DDHD1: variants seen among roughly 807,000 people sequenced by gnomAD.
The protein encoded by DDHD1 is DDHD domain containing 1, also known as phospholipase DDHD1.
Under a neutral mutation model 96.4 loss-of-function variants are expected in DDHD1, and 49 were observed. The ratio of observed to expected loss-of-function variants is 0.51; its 90% CI spans 0.40 to 0.64. The LOEUF (loss-of-function observed/expected upper bound fraction) is 0.64. Ranked by LOEUF, DDHD1 falls within the 30% of genes least tolerant of loss-of-function variation. The probability of loss-of-function intolerance (pLI) is 0.00; values close to 1 mark genes in which losing one functional copy is unlikely to be tolerated. For missense variants in DDHD1, 1,106 were observed against 1,161.2 expected (o/e 0.95, Z 0.69); for synonymous variants, 442 against 446.5 (o/e 0.99, Z 0.13).
chr14:53,083,217 A>G (rs1308774911), intron 4 of DDHD1, among the ~76,000 whole-genome samples: 1 of 151,564 alleles, frequency 6.6e-6, no homozygotes, highest in African/African-American at 2.4e-5. Context: ...TTTTTATATC[A>G]TGTTCAAAAA....
intron 1 of DDHD1, among the ~76,000 whole-genome samples, chr14:53,142,023 G>C (rs1207523498): frequency 6.6e-6 from 1 of 152,044 alleles, no homozygotes; most frequent in Non-Finnish European, 1.5e-5. Flanking sequence ...ACTGTGCTAA[G>C]CATTCTGCAT....
chr14:53,040,325 G>A lies in DDHD1; in HGVS notation c.*6443C>T, dbSNP rs1013955606. Reference sequence around the variant, plus strand: ...TGGCCACTAGCCTTCCTAGTAGAACGGAATGTGGCAGCCACAGCTGATGCA... The same window carrying A: ...TGGCCACTAGCCTTCCTAGTAGAACAGAATGTGGCAGCCACAGCTGATGCA... On this transcript the variant is annotated 3_prime_UTR_variant, in exon 13 of 13. Transcript: ENST00000673822. The A allele has an allele frequency of 3.9e-5, 6 of 152,136 alleles. No individual in the cohort carries two copies. Among genetic ancestry groups the A allele is most frequent in the Non-Finnish European group, 5.9e-5 (4 of 68,018 alleles). 9.4% of individuals were successfully genotyped at this position (152,136 alleles called of 1,614,324 possible).
rs969042443 is a variant in DDHD1 at position 53,036,819 on chromosome 14, C to T, written c.*9949G>A. On this transcript the variant is annotated 3_prime_UTR_variant, in exon 13 of 13. Coordinates refer to ENST00000673822, the MANE Select transcript of DDHD1 (RefSeq NM_001160148.2). ...CATTTAGAAACAGTGGGTAAATGTG[C>T]AAGTTTGTTACAAGGGTATATTGTG... 1 of 152,020 alleles carries T rather than the reference C, an allele frequency of 6.6e-6. No homozygotes were observed. The highest frequency in any genetic ancestry group is 1.5e-5 in the Non-Finnish European group (1 of 68,008). 9.4% of individuals were successfully genotyped at this position (152,020 alleles called of 1,614,324 possible).
At chr14:53,152,137 C>G in intron 1 of DDHD1, 124 bp downstream of exon 1, 1 of 990,158 alleles carries the variant, frequency 1.0e-6, no homozygotes, top group South Asian at 2.0e-5. Flanking sequence ...CTCCATCCTG[C>G]CCCAGCCAAA....
chr14:53,153,047 C>A lies in DDHD1; in HGVS notation c.52G>T (p.Gly18Cys). 1 of 1,493,966 alleles carries A rather than the reference C, an allele frequency of 6.7e-7. No homozygotes were observed. Among genetic ancestry groups the A allele is most frequent in the Non-Finnish European group, 8.9e-7 (1 of 1,128,502 alleles). 92.5% of individuals were successfully genotyped at this position (1,493,966 alleles called of 1,614,324 possible). A position where few individuals can be genotyped will look rare whatever the true frequency, so the allele number is the denominator to read the frequency against. Reference sequence around the variant, plus strand: ...AGCTCCCAGGCGCCGCCGCCGCCGCCTCGGCCGTTATGCTCGGGGCTCCGT... The same window carrying A: ...AGCTCCCAGGCGCCGCCGCCGCCGCATCGGCCGTTATGCTCGGGGCTCCGT... ...SPRSPEHNGR[G>C]GGGGAWELGS... Residue 18 changes from glycine to cysteine, a missense_variant, in exon 1 of 13, where the codon GGC (glycine) becomes TGC (cysteine). Transcript: ENST00000673822.
chr14:53,082,615 C>T (rs997107813), intron 4 of DDHD1, among the ~76,000 whole-genome samples: 3 of 151,440 alleles, frequency 2.0e-5, no homozygotes, highest in Admixed American at 6.6e-5. Flanking sequence ...AAAAATTAGC[C>T]GGGTGTGGTG....
At chr14:53,073,291 CG>C (rs1251392073) in intron 5 of DDHD1, among the ~76,000 whole-genome samples, 1 of 151,546 alleles carries the variant, frequency 6.6e-6, no homozygotes, top group Non-Finnish European at 1.5e-5. Context: ...AGGGAATGTA[CG>C]AAAAACAACA....
At chr14:53,140,615 G>C (rs1890579269) in intron 1 of DDHD1, among the ~76,000 whole-genome samples, 1 of 152,028 alleles carries the variant, frequency 6.6e-6, no homozygotes, top group Non-Finnish European at 1.5e-5. Flanking sequence ...TAATATTAAA[G>C]ATAGAAGAGA....
chr14:53,091,167 C>A (rs1250466104), intron 4 of DDHD1, among the ~76,000 whole-genome samples: 1 of 152,092 alleles, frequency 6.6e-6, no homozygotes, highest in Admixed American at 6.6e-5. Context: ...GTGGTGGAAC[C>A]CTTAACCCTA....
At chr14:53,126,662 C>T (rs1425892041) in intron 1 of DDHD1, among the ~76,000 whole-genome samples, 2 of 152,190 alleles carry the variant, frequency 1.3e-5, no homozygotes, top group African/African-American at 2.4e-5. Context: ...GCCACCCACC[C>T]GGCTGATGTA....
intron 1 of DDHD1, among the ~76,000 whole-genome samples, chr14:53,109,193 C>T (rs552010182): frequency 3.3e-4 from 51 of 152,266 alleles, no homozygotes; most frequent in African/African-American, 1.2e-3. Flanking sequence ...TGCTGCCATG[C>T]CTCCAAGAGG....
chr14:53,090,943 G>T (rs140793517), intron 4 of DDHD1, among the ~76,000 whole-genome samples: 85 of 152,146 alleles, frequency 5.6e-4, no homozygotes, highest in African/African-American at 2.0e-3. Context: ...ACAATAAAAA[G>T]TGAAATAAAA....
chr14:53,137,586 T>C (rs1226488254), intron 1 of DDHD1, among the ~76,000 whole-genome samples: 1 of 151,110 alleles, frequency 6.6e-6, no homozygotes, highest in Non-Finnish European at 1.5e-5. Context: ...AGTGAGACTC[T>C]TTCTCAAAAA....
rs150309532 is a variant in DDHD1, at chr14:53,067,991, T to A, written c.1503+4606A>T. On this transcript the variant is annotated intron_variant, in intron 6 of 12. Transcript: ENST00000673822. ...TTTTACCCCTAAATTCTTCATTGTA[T>A]ATTTTCTAAAACTAGGAATATTCTC... Among the ~76,000 whole-genome samples the A allele has an allele frequency of 8.6e-3, 1,307 of 152,288 alleles. 7 individuals carry two copies. Among genetic ancestry groups the A allele is most frequent in the Non-Finnish European group, 0.014 (969 of 68,014 alleles).
At chr14:53,085,082 C>T (rs1414656535) in intron 4 of DDHD1, among the ~76,000 whole-genome samples, 3 of 152,226 alleles carry the variant, frequency 2.0e-5, no homozygotes, top group Non-Finnish European at 4.4e-5. Context: ...GGGCATCTGC[C>T]ATTGCTGAGG....
At chr14:53,103,478 C>T in intron 2 of DDHD1, 1 of 470,944 alleles carries the variant, frequency 2.1e-6, no homozygotes, top group Non-Finnish European at 3.7e-6. Flanking sequence ...ATGACACTTA[C>T]CATACATATT....
intron 4 of DDHD1, among the ~76,000 whole-genome samples, chr14:53,089,368 G>A (rs1468998733): frequency 1.3e-5 from 2 of 152,104 alleles, no homozygotes. Context: ...ACAATCCTAA[G>A]CAAAAAGAAC....
chr14:53,063,185 T>G lies in DDHD1; in HGVS notation c.1524A>C (p.Gln508His). ...YRDELVKGLQQELNRLYSLFC... is the reference protein window; with the variant it reads ...YRDELVKGLQHELNRLYSLFC... ...AAAGGGAATACAATCGATTCAGCTC[T>G]TGCTGAAGGCCTTTAACTAGCTGTT... Residue 508 changes from glutamine (Q) to histidine (H), a missense_variant, in exon 7 of 13, where the codon CAA becomes CAC. Coordinates refer to ENST00000673822, the MANE Select transcript of DDHD1 (RefSeq NM_001160148.2). 6.2e-7 allele frequency: 1 copy of G among 1,613,696 alleles called. No homozygotes were observed. The highest frequency in any genetic ancestry group is 8.5e-7 in the Non-Finnish European group (1 of 1,179,922).
intron 1 of DDHD1, among the ~76,000 whole-genome samples, chr14:53,120,736 GC>G (rs1397918888): frequency 6.6e-6 from 1 of 152,138 alleles, no homozygotes; most frequent in Non-Finnish European, 1.5e-5. Context: ...GGGAAAACTG[GC>G]TAGTTATATG....
Sources: gnomAD v4.1 joint callset for allele counts (sites outside exome capture counted in the v4.1 genomes callset) on GRCh38, gnomAD v4.1.1 for gene constraint, MANE v1.5 for transcripts, NCBI Gene and HGNC (gene_info 2026-07-23, HGNC 2026-07-21) for gene names.